Variants in GRID2 observed in about 807,000 individuals in gnomAD.
GRID2 encodes the protein glutamate ionotropic receptor delta type subunit 2, also known as glutamate receptor ionotropic, delta-2.
Under a neutral mutation model 114.8 loss-of-function variants are expected in GRID2, and 33 were observed. That is an observed-to-expected ratio of 0.29 (90% CI 0.22 to 0.38). The LOEUF (loss-of-function observed/expected upper bound fraction) is 0.38. Among genes scored for constraint, GRID2 ranks in the 10% least tolerant of loss-of-function variants. The pLI is 1.00. For synonymous variants in GRID2, 505 were observed against 449.9 expected, an observed-to-expected ratio of 1.12 and a Z score of -1.55; for missense variants, 1,184 against 1,257.7, an observed-to-expected ratio of 0.94 and a Z score of 0.89.
intron 1 of GRID2, among the ~76,000 whole-genome samples, chr4:92,400,153 C>G (rs968861972): frequency 3.3e-5 from 5 of 152,076 alleles, no homozygotes; most frequent in African/African-American, 1.2e-4. Context: ...ATAGTTCAGT[C>G]ATTTTTAGTA....
rs1186215701 is a variant in GRID2, at chr4:92,471,926, C to CTTTT, written c.89-118183_89-118180dup. Among the ~76,000 whole-genome samples, 168 of 57,352 alleles carry CTTTT rather than the reference C, an allele frequency of 2.9e-3. 3 individuals are homozygous for CTTTT. Among genetic ancestry groups the CTTTT allele is most frequent in the East Asian group, 6.0e-3 (12 of 2,006 alleles). 37.6% of individuals were successfully genotyped at this position (57,352 alleles called of 152,430 possible). Reference sequence around the variant, plus strand: ...CTTATTTGGGGATTTATCCATATTTCTTTTTTTTTTTTTTTTTTTTTTTTT... The same window carrying CTTTT: ...CTTATTTGGGGATTTATCCATATTTCTTTTTTTTTTTTTTTTTTTTTTTTTTTTT... On this transcript the variant is annotated intron_variant, in intron 1 of 15. Coordinates refer to ENST00000282020, the MANE Select transcript of GRID2 (RefSeq NM_001510.4).
chr4:93,400,516 A>G (rs768899835), intron 9 of GRID2, among the ~76,000 whole-genome samples: 16 of 152,100 alleles, frequency 1.1e-4, no homozygotes, highest in Non-Finnish European at 1.8e-4. Context: ...ATGACCAATT[A>G]AGTCATTCAA....
At chr4:93,441,117 C>T (rs1342203704) in intron 10 of GRID2, among the ~76,000 whole-genome samples, 1 of 152,008 alleles carries the variant, frequency 6.6e-6, no homozygotes, top group African/African-American at 2.4e-5. Flanking sequence ...TAGATAAATC[C>T]TGAAATCCAC....
At chr4:93,437,640 T>C (rs1053961180) in intron 10 of GRID2, among the ~76,000 whole-genome samples, 4 of 152,164 alleles carry the variant, frequency 2.6e-5, no homozygotes, top group African/African-American at 9.7e-5. Context: ...CTGTGTCTTC[T>C]TTCCATAAAA....
intron 4 of GRID2, among the ~76,000 whole-genome samples, chr4:93,206,322 C>T (rs1398638150): frequency 6.6e-6 from 1 of 151,790 alleles, no homozygotes; most frequent in African/African-American, 2.4e-5. Flanking sequence ...TGATGCAATG[C>T]ACCTCTTAGC....
intron 13 of GRID2, among the ~76,000 whole-genome samples, chr4:93,590,531 G>T (rs369616827): frequency 1.3e-4 from 20 of 151,150 alleles, no homozygotes; most frequent in Non-Finnish European, 2.1e-4. Context: ...TTGACTTGGC[G>T]ATGCGGGCTC....
chr4:92,982,524 C>T (rs1754281230), intron 2 of GRID2, among the ~76,000 whole-genome samples: 1 of 152,022 alleles, frequency 6.6e-6, no homozygotes, highest in Non-Finnish European at 1.5e-5. Context: ...AGTTTACACA[C>T]CTGATTTGGT....
At chr4:93,801,546 T>C (rs1388514505) in intron 1 of GRID2, among the ~76,000 whole-genome samples, 1 of 152,162 alleles carries the variant, frequency 6.6e-6, no homozygotes, top group African/African-American at 2.4e-5. Flanking sequence ...TTTACTGATA[T>C]TGGGTATAAA....
At chr4:93,419,323 A>G (rs1768037671) in intron 9 of GRID2, among the ~76,000 whole-genome samples, 1 of 152,012 alleles carries the variant, frequency 6.6e-6, no homozygotes, top group South Asian at 2.1e-4. Context: ...AAATGGATAA[A>G]TCAATGACTG....
At chr4:92,422,066 C>T (rs1327031358) in intron 1 of GRID2, among the ~76,000 whole-genome samples, 1 of 152,094 alleles carries the variant, frequency 6.6e-6, no homozygotes, top group Non-Finnish European at 1.5e-5. Flanking sequence ...TGAGATGAGG[C>T]TTCCCTTTTT....
chr4:92,830,859 T>G (rs140983499), intron 2 of GRID2, among the ~76,000 whole-genome samples: 26 of 152,310 alleles, frequency 1.7e-4, no homozygotes, highest in Non-Finnish European at 2.5e-4. Flanking sequence ...GGTATTGCAA[T>G]AATTCATTGT....
chr4:92,449,627 C>T (rs1281265733), intron 1 of GRID2, among the ~76,000 whole-genome samples: 2 of 143,004 alleles, frequency 1.4e-5, no homozygotes, highest in African/African-American at 5.2e-5. Context: ...ACTAATTATA[C>T]TCAAGTTTTT....
chr4:93,411,697 GCT>G (rs1767151339), intron 9 of GRID2, among the ~76,000 whole-genome samples: 1 of 152,004 alleles, frequency 6.6e-6, no homozygotes, highest in Non-Finnish European at 1.5e-5. Flanking sequence ...CTCCCAAAGT[GCT>G]GGGATTACAG....
In GRID2 at chr4:93,530,113, T is replaced by A. The variant is rs575158066; in HGVS notation, c.2193+14702T>A. ...CATCTCTCCAATTTATTCTCTCCTT[T>A]CACTTTCTACTTCCAATTTAGTAAT... On this transcript the variant is annotated intron_variant, in intron 13 of 15. Transcript: ENST00000282020. Among the ~76,000 whole-genome samples, 5 of 152,190 alleles carry A rather than the reference T, an allele frequency of 3.3e-5. 1 individual carries two copies. The highest frequency in any genetic ancestry group is 1.2e-4 in the African/African-American group (5 of 41,544).
intron 1 of GRID2, among the ~76,000 whole-genome samples, chr4:93,795,649 T>C (rs1217661438): frequency 6.6e-6 from 1 of 152,218 alleles, no homozygotes; most frequent in African/African-American, 2.4e-5. Flanking sequence ...ACCACTCTTG[T>C]AAACAGGTGA....
chr4:93,017,830 A>G (rs1048775732), intron 2 of GRID2, among the ~76,000 whole-genome samples: 1 of 150,752 alleles, frequency 6.6e-6, no homozygotes, highest in Non-Finnish European at 1.5e-5. Context: ...AAAGAAAAGA[A>G]AAGAAAAAAT....
intron 14 of GRID2, among the ~76,000 whole-genome samples, chr4:93,678,430 C>T (rs1725142885): frequency 6.6e-6 from 1 of 151,868 alleles, no homozygotes; most frequent in South Asian, 2.1e-4. Flanking sequence ...CAGAGAATGC[C>T]ACAAAGCTAC....
At chr4:93,441,691 C>A (rs1257482518) in intron 10 of GRID2, among the ~76,000 whole-genome samples, 1 of 151,838 alleles carries the variant, frequency 6.6e-6, no homozygotes, top group Non-Finnish European at 1.5e-5. Flanking sequence ...TATTTGGAAG[C>A]AGAGCCACGA....
intron 1 of GRID2, among the ~76,000 whole-genome samples, chr4:92,311,872 A>G (rs1312361461): frequency 6.6e-6 from 1 of 152,094 alleles, no homozygotes; most frequent in African/African-American, 2.4e-5. Context: ...CCAACAAGCT[A>G]TGTTTTTGTA....
Sources: allele counts gnomAD v4.1 joint callset (sites outside exome capture counted in the v4.1 genomes callset), GRCh38; gene constraint gnomAD v4.1.1; transcripts MANE v1.5; gene names NCBI Gene and HGNC (gene_info 2026-07-23, HGNC 2026-07-21).